Variants in MAN1A2 observed in about 807,000 individuals in gnomAD.
MAN1A2 encodes mannosidase alpha class 1A member 2, also known as mannosyl-oligosaccharide 1,2-alpha-mannosidase IB.
A neutral mutation model predicts 75.7 loss-of-function variants in MAN1A2; 26 were observed. That is an observed-to-expected ratio of 0.34 (90% CI 0.25 to 0.48). The LOEUF is 0.48. Among genes scored for constraint, MAN1A2 ranks in the 20% least tolerant of loss-of-function variants. MAN1A2 has a pLI of 0.99. For synonymous variants in MAN1A2, 247 were observed against 264.6 expected, an observed-to-expected ratio of 0.93 and a Z score of 0.65; for missense variants, 562 against 775.5, an observed-to-expected ratio of 0.72 and a Z score of 3.27.
chr1:117,509,146 TAAGTA>T lies in MAN1A2; in HGVS notation c.1793+6184_1793+6188del, dbSNP rs1557978797. Among the ~76,000 whole-genome samples, 16 of 151,628 alleles carry T rather than the reference TAAGTA, an allele frequency of 1.1e-4. No individual in the cohort carries two copies. In the East Asian group the frequency reaches 2.3e-3, roughly 22 times the overall value. ...AACATCTGTACAAAAAAAAGAGCAC[TAAGTA>T]AAGTAAAAGACAGATGGCACACTGG... On this transcript the variant is annotated intron_variant, in intron 12 of 12. Coordinates refer to ENST00000356554, the MANE Select transcript of MAN1A2 (RefSeq NM_006699.5).
intron 2 of MAN1A2, 126 bp downstream of exon 2, chr1:117,402,567 C>A (rs933715690): frequency 3.7e-6 from 3 of 804,986 alleles, no homozygotes; most frequent in Non-Finnish European, 1.8e-6. Context: ...AGTATAGTTT[C>A]CAGGTTGGTA....
At chr1:117,413,517 T>G (rs1396548783) in intron 3 of MAN1A2, among the ~76,000 whole-genome samples, 1 of 151,962 alleles carries the variant, frequency 6.6e-6, no homozygotes, top group Admixed American at 6.6e-5. Context: ...ACAAAGCTGT[T>G]AATTATTACT....
chr1:117,410,368 TAACATTTAAC>T (rs1464853407), intron 3 of MAN1A2, among the ~76,000 whole-genome samples: 1 of 151,896 alleles, frequency 6.6e-6, no homozygotes, highest in Non-Finnish European at 1.5e-5. Context: ...AAGCATTTAA[TAACATTTAAC>T]ATCCATCGAT....
chr1:117,429,190 T>C (rs1648490040), intron 5 of MAN1A2, among the ~76,000 whole-genome samples: 2 of 146,132 alleles, frequency 1.4e-5, no homozygotes, highest in African/African-American at 2.5e-5. Flanking sequence ...GAAAAGTCTC[T>C]CATGTCTACT....
At chr1:117,372,271 G>T (rs916004656) in intron 1 of MAN1A2, among the ~76,000 whole-genome samples, 1 of 152,168 alleles carries the variant, frequency 6.6e-6, no homozygotes, top group Non-Finnish European at 1.5e-5. Context: ...AGATAAATTA[G>T]TGGAGAAAAG....
At chr1:117,402,468 A>C in intron 2 of MAN1A2, 27 bp downstream of exon 2, 1 of 1,562,756 alleles carries the variant, frequency 6.4e-7, no homozygotes, top group Non-Finnish European at 8.6e-7. Context: ...TGTGATATGG[A>C]GTGTTTATGG....
chr1:117,497,909 T>C (rs1450832097), intron 10 of MAN1A2, among the ~76,000 whole-genome samples: 2 of 151,950 alleles, frequency 1.3e-5, no homozygotes, highest in African/African-American at 4.8e-5. Flanking sequence ...TAAATAACAA[T>C]TTCTGTTTTA....
At chr1:117,429,716 C>CA (rs2101794380) in intron 5 of MAN1A2, among the ~76,000 whole-genome samples, 2 of 112,118 alleles carry the variant, frequency 1.8e-5, no homozygotes, top group Admixed American at 8.1e-5. Context: ...GGGCTGACCC[C>CA]CCCCACCTCC....
intron 7 of MAN1A2, 27 bp from the exon 8 acceptor site, chr1:117,466,307 T>C (rs780049569): frequency 4.9e-6 from 7 of 1,435,154 alleles, no homozygotes; most frequent in Non-Finnish European, 6.8e-6. Flanking sequence ...TTTTTATTAA[T>C]TGCATTCTTA....
At chr1:117,491,088 G>T (rs1650869364) in intron 8 of MAN1A2, among the ~76,000 whole-genome samples, 1 of 152,036 alleles carries the variant, frequency 6.6e-6, no homozygotes, top group Non-Finnish European at 1.5e-5. Context: ...AAAAACTGCA[G>T]CAAGTGATCC....
chr1:117,423,709 CA>C (rs1244147042), intron 5 of MAN1A2, among the ~76,000 whole-genome samples: 2 of 151,958 alleles, frequency 1.3e-5, no homozygotes, highest in Non-Finnish European at 2.9e-5. Flanking sequence ...TGTCTCAGGA[CA>C]TTTTGTTTCT....
At chr1:117,500,403 G>T (rs76875106) in intron 11 of MAN1A2, among the ~76,000 whole-genome samples, 1 of 151,972 alleles carries the variant, frequency 6.6e-6, no homozygotes, top group East Asian at 1.9e-4. Flanking sequence ...ACCTGCAAAA[G>T]CTCCTTGACT....
chr1:117,428,430 T>TA (rs202199667), intron 5 of MAN1A2, among the ~76,000 whole-genome samples: 2,342 of 150,542 alleles, frequency 0.016, 62 homozygotes, highest in African/African-American at 0.054. Context: ...AATATTTAAA[T>TA]AAAAAAAACA....
intron 1 of MAN1A2, among the ~76,000 whole-genome samples, chr1:117,381,312 A>G (rs1653326427): frequency 6.6e-6 from 1 of 152,018 alleles, no homozygotes; most frequent in South Asian, 2.1e-4. Flanking sequence ...CATTAGGTAT[A>G]TCTCCTAATG....
intron 6 of MAN1A2, among the ~76,000 whole-genome samples, chr1:117,459,128 T>C (rs1649728392): frequency 6.6e-6 from 1 of 152,122 alleles, no homozygotes; most frequent in African/African-American, 2.4e-5. Context: ...TTCTAAAACA[T>C]GTTCAGAGCA....
At chr1:117,457,089 G>A (rs1250392037) in intron 6 of MAN1A2, among the ~76,000 whole-genome samples, 1 of 151,894 alleles carries the variant, frequency 6.6e-6, no homozygotes, top group Admixed American at 6.6e-5. Flanking sequence ...AAATATATTC[G>A]ACTGACTTTG....
At chr1:117,515,112 A>G (rs1651673702) in intron 12 of MAN1A2, 1 of 220,996 alleles carries the variant, frequency 4.5e-6, no homozygotes, top group Non-Finnish European at 9.3e-6. Flanking sequence ...TACAAAGTAT[A>G]TATGCAGTTG....
chr1:117,381,981 C>T (rs1653359481), intron 1 of MAN1A2, among the ~76,000 whole-genome samples: 3 of 151,674 alleles, frequency 2.0e-5, no homozygotes, highest in African/African-American at 7.3e-5. Context: ...GCATAAATGT[C>T]TTCTTTTGAG....
chr1:117,469,561 G>C (rs942767676), intron 8 of MAN1A2, among the ~76,000 whole-genome samples: 1 of 152,118 alleles, frequency 6.6e-6, no homozygotes, highest in Non-Finnish European at 1.5e-5. Context: ...CAAATCACAT[G>C]TCTTTTAAGG....
Sources: gnomAD v4.1 joint callset for allele counts (sites outside exome capture counted in the v4.1 genomes callset) on GRCh38, gnomAD v4.1.1 for gene constraint, MANE v1.5 for transcripts, NCBI Gene and HGNC (gene_info 2026-07-23, HGNC 2026-07-21) for gene names.